The following SH3GL2 variants were observed in gnomAD, a reference collection of about 807,000 sequenced individuals.
The protein encoded by SH3GL2 is SH3 domain containing GRB2 like 2, endophilin A1, also known as endophilin-A1.
In SH3GL2, 24 loss-of-function variants were observed where a neutral mutation model predicts 46.0. That is an observed-to-expected ratio of 0.52 (90% CI 0.38 to 0.73). The LOEUF (loss-of-function observed/expected upper bound fraction) is 0.73, where lower values mean the gene tolerates loss of function less well. SH3GL2 is among the 30% of genes least tolerant of loss of function. The probability of loss-of-function intolerance (pLI) is 0.00; values close to 1 mark genes in which losing one functional copy is unlikely to be tolerated. For synonymous variants in SH3GL2, 196 were observed against 147.1 expected (o/e 1.33, Z -2.40); for missense variants, 413 against 424.2 (o/e 0.97, Z 0.23).
chr9:17,635,014 A>G (rs931094305), intron 1 of SH3GL2, among the ~76,000 whole-genome samples: 8 of 152,294 alleles, frequency 5.3e-5, no homozygotes, highest in African/African-American at 1.7e-4. Context: ...TACGTGGGCA[A>G]GATGTGCAGG....
intron 3 of SH3GL2, among the ~76,000 whole-genome samples, chr9:17,770,980 A>T (rs1236305866): frequency 6.6e-6 from 1 of 152,176 alleles, no homozygotes; most frequent in African/African-American, 2.4e-5. Context: ...CATAGGACTC[A>T]ATTTAGGCAT....
chr9:17,698,057 C>A (rs1225502934), intron 1 of SH3GL2, among the ~76,000 whole-genome samples: 2 of 152,148 alleles, frequency 1.3e-5, no homozygotes, highest in Non-Finnish European at 2.9e-5. Context: ...TGGTGTCAAC[C>A]TTACATATAA....
chr9:17,708,339 T>G (rs140495886), intron 1 of SH3GL2, among the ~76,000 whole-genome samples: 2,650 of 152,110 alleles, frequency 0.017, 39 homozygotes, highest in Non-Finnish European at 0.026. Flanking sequence ...TTATCACGCT[T>G]TATATATTTC....
At chr9:17,736,709 T>A (rs932065262) in intron 1 of SH3GL2, among the ~76,000 whole-genome samples, 4 of 152,078 alleles carry the variant, frequency 2.6e-5, no homozygotes, top group Non-Finnish European at 5.9e-5. Context: ...CGGCTTGCAG[T>A]TTGTCCCTGA....
chr9:17,795,645 A>G lies in SH3GL2; in HGVS notation c.961A>G (p.Asn321Asp). 6.2e-7 allele frequency: 1 copy of G among 1,614,004 alleles called. No homozygotes were observed. ...AGAGGGCGATATCATCACACTCACT[A>G]ACCAAATTGATGAGAACTGGTATGA... Reference protein sequence around the residue: ...FKEGDIITLTNQIDENWYEGM... With the variant: ...FKEGDIITLTDQIDENWYEGM... Residue 321 changes from asparagine (N) to aspartate (D), a missense_variant, in exon 9 of 9, where the codon AAC (asparagine) becomes GAC (aspartate). Asn to Asp is a conservative substitution (Grantham distance 23, BLOSUM62 1). Transcript: ENST00000380607.
At chr9:17,617,603 C>T (rs1819033684) in intron 1 of SH3GL2, among the ~76,000 whole-genome samples, 1 of 152,270 alleles carries the variant, frequency 6.6e-6, no homozygotes, top group Non-Finnish European at 1.5e-5. Context: ...TTTGAAGATG[C>T]CTGTTAACAT....
At chr9:17,671,735 TTAAC>T (rs1476747523) in intron 1 of SH3GL2, among the ~76,000 whole-genome samples, 2 of 152,220 alleles carry the variant, frequency 1.3e-5, no homozygotes, top group Non-Finnish European at 2.9e-5. Context: ...CTACACATAA[TTAAC>T]TGTGTTGAAA....
intron 1 of SH3GL2, among the ~76,000 whole-genome samples, chr9:17,683,791 A>G (rs551701933): frequency 6.6e-6 from 1 of 152,216 alleles, no homozygotes; most frequent in East Asian, 1.9e-4. Context: ...GGTGAAGCAG[A>G]CATTGAGAAA....
Position 17,718,832 on chromosome 9 carries a change from C to G in SH3GL2, c.46-28234C>G, listed in dbSNP as rs191001961. On this transcript the variant is annotated intron_variant, in intron 1 of 8. Coordinates refer to ENST00000380607, the MANE Select transcript of SH3GL2 (RefSeq NM_003026.5). Reference sequence around the variant, plus strand: ...ACTTTTAATTAGTTTCTGGATGATTCTGGTTCAGGTGGGTCCTGCTTTGAG... The same window carrying G: ...ACTTTTAATTAGTTTCTGGATGATTGTGGTTCAGGTGGGTCCTGCTTTGAG... Among the ~76,000 whole-genome samples the G allele has an allele frequency of 8.4e-4, 128 of 152,208 alleles. 1 individual carries two copies. The Middle Eastern group carries it at 0.014, about 16-fold the overall frequency.
chr9:17,593,509 T>C (rs1055178012), intron 1 of SH3GL2, among the ~76,000 whole-genome samples: 1 of 152,112 alleles, frequency 6.6e-6, no homozygotes, highest in Non-Finnish European at 1.5e-5. Context: ...GGTATATATA[T>C]AATAGGAGAA....
intron 1 of SH3GL2, among the ~76,000 whole-genome samples, chr9:17,582,403 GCT>G (rs1324543235): frequency 6.6e-6 from 1 of 152,060 alleles, no homozygotes; most frequent in African/African-American, 2.4e-5. Context: ...ATCTTGTGTT[GCT>G]CTTTTAGTGA....
At chr9:17,758,182 CATTTAATAAATTAAAGCGTTA>C (rs1239602517) in intron 2 of SH3GL2, among the ~76,000 whole-genome samples, 1 of 152,094 alleles carries the variant, frequency 6.6e-6, no homozygotes, top group Non-Finnish European at 1.5e-5. Context: ...CAGGTGTGGA[CATTTAATAAATTAAAGCGTTA>C]AACAGAATGC....
intron 3 of SH3GL2, among the ~76,000 whole-genome samples, chr9:17,781,647 A>G (rs1219945228): frequency 3.3e-5 from 5 of 152,108 alleles, no homozygotes; most frequent in Non-Finnish European, 7.4e-5. Context: ...TGTTGTCCAG[A>G]ATTTTCTACC....
At chr9:17,647,421 CTCTCTCTG>C (rs1301028099) in intron 1 of SH3GL2, among the ~76,000 whole-genome samples, 1 of 143,966 alleles carries the variant, frequency 6.9e-6, no homozygotes, top group Admixed American at 6.8e-5. Context: ...TTCTCTCTCT[CTCTCTCTG>C]TCTCTCTCTC....
At position 17,786,538 on chromosome 9, in the gene SH3GL2, C is replaced by T; in HGVS notation, c.331+14C>T. The T allele has an allele frequency of 6.2e-7, 1 of 1,611,378 alleles. No homozygotes were observed. Among genetic ancestry groups the T allele is most frequent in the Non-Finnish European group, 8.5e-7 (1 of 1,178,052 alleles). On this transcript the variant is annotated intron_variant, in intron 4 of 8. Transcript: ENST00000380607. ...ATTGCAACTTTGGTAACAAGTGCTT[C>T]CTCACATTGTAATTCTTTCATTTGT...
intron 3 of SH3GL2, among the ~76,000 whole-genome samples, chr9:17,763,420 A>G (rs1823234258): frequency 3.3e-5 from 5 of 152,190 alleles, no homozygotes; most frequent in Admixed American, 2.6e-4. Context: ...CCCTAGAACC[A>G]GTGATGGGTG....
At chr9:17,774,029 T>G (rs2131168965) in intron 3 of SH3GL2, among the ~76,000 whole-genome samples, 1 of 152,298 alleles carries the variant, frequency 6.6e-6, no homozygotes, top group South Asian at 2.1e-4. Context: ...GTTAAATTAA[T>G]TCCTGAGTAT....
chr9:17,655,254 TGTA>T (rs1820047349), intron 1 of SH3GL2, among the ~76,000 whole-genome samples: 1 of 152,206 alleles, frequency 6.6e-6, no homozygotes, highest in African/African-American at 2.4e-5. Context: ...TTTGAATTCA[TGTA>T]GTACTTCCTT....
intron 1 of SH3GL2, among the ~76,000 whole-genome samples, chr9:17,701,199 G>A (rs964193661): frequency 6.6e-6 from 1 of 152,164 alleles, no homozygotes; most frequent in African/African-American, 2.4e-5. Flanking sequence ...AAATCAGTAC[G>A]CAGAACCTTC....
Sources: gnomAD v4.1 joint callset for allele counts (sites outside exome capture counted in the v4.1 genomes callset) on GRCh38, gnomAD v4.1.1 for gene constraint, MANE v1.5 for transcripts, NCBI Gene and HGNC (gene_info 2026-07-23, HGNC 2026-07-21) for gene names.